Variants in PLD5 observed in about 807,000 individuals in gnomAD.
PLD5 encodes the protein inactive phospholipase D5.
A neutral mutation model predicts 61.1 loss-of-function variants in PLD5; 36 were observed. The observed-to-expected ratio is 0.59, with a 90% CI of 0.45 to 0.78. The LOEUF (loss-of-function observed/expected upper bound fraction) is 0.78, where lower values mean the gene tolerates loss of function less well. Among genes scored for constraint, PLD5 ranks in the 30% least tolerant of loss-of-function variants. PLD5 has a pLI of 0.00. For synonymous variants in PLD5, 243 were observed against 242.8 expected (o/e 1.00, Z -0.01); for missense variants, 515 against 644.4 (o/e 0.80, Z 2.17).
chr1:242,132,090 T>G (rs1663307067), intron 5 of PLD5, among the ~76,000 whole-genome samples: 1 of 150,836 alleles, frequency 6.6e-6, no homozygotes, highest in Admixed American at 6.7e-5. Context: ...CTCAGCCTCC[T>G]AAAGTGCTGT....
intron 2 of PLD5, among the ~76,000 whole-genome samples, chr1:242,318,104 C>T (rs1658134644): frequency 6.6e-6 from 1 of 152,180 alleles, no homozygotes; most frequent in East Asian, 1.9e-4. Flanking sequence ...AGTGGCTCGC[C>T]TAAGAAGACA....
intron 5 of PLD5, among the ~76,000 whole-genome samples, chr1:242,127,334 G>A (rs746971721): frequency 6.6e-6 from 1 of 152,030 alleles, no homozygotes; most frequent in Non-Finnish European, 1.5e-5. Context: ...ATCATTATAC[G>A]AAAAAATACT....
chr1:242,528,700 A>G (rs13376456), upstream of PLD5, among the ~76,000 whole-genome samples: 4,883 of 152,312 alleles, frequency 0.032, 93 homozygotes, highest in African/African-American at 0.048. Context: ...ATCTTTCGAA[A>G]GGAGGAAACC....
At chr1:242,510,699 G>T (rs1435966887) in intron 1 of PLD5, among the ~76,000 whole-genome samples, 1 of 152,052 alleles carries the variant, frequency 6.6e-6, no homozygotes, top group Non-Finnish European at 1.5e-5. Context: ...CAAGAAAATA[G>T]CTGGGCGGGG....
intron 1 of PLD5, among the ~76,000 whole-genome samples, chr1:242,444,546 T>G (rs1666419476): frequency 6.6e-6 from 1 of 150,528 alleles, no homozygotes; most frequent in East Asian, 1.9e-4. Context: ...GGAATATAGG[T>G]GCATGTAACC....
At chr1:242,441,581 G>C (rs1666276833) in intron 1 of PLD5, among the ~76,000 whole-genome samples, 1 of 152,020 alleles carries the variant, frequency 6.6e-6, no homozygotes, top group South Asian at 2.1e-4. Flanking sequence ...CTTCCCTTAA[G>C]ATGAAATAAG....
intron 2 of PLD5, among the ~76,000 whole-genome samples, chr1:242,342,201 A>G (rs1659873938): frequency 6.6e-6 from 1 of 152,234 alleles, no homozygotes; most frequent in African/African-American, 2.4e-5. Context: ...AATAGCAACA[A>G]AAGTCCCTCT....
At chr1:242,288,034 A>G (rs150862295) in intron 3 of PLD5, among the ~76,000 whole-genome samples, 142 of 152,338 alleles carry the variant, frequency 9.3e-4, no homozygotes, top group Middle Eastern at 3.4e-3. Flanking sequence ...TAGTTGGGCG[A>G]AGCAGAATTC....
rs565066393 is a variant in PLD5 at position 242,161,751 on chromosome 1, G to A, written c.736-37086C>T. On this transcript the variant is annotated intron_variant, in intron 5 of 9. Coordinates refer to ENST00000536534, the MANE Select transcript of PLD5 (RefSeq NM_001372062.1). ...AAGATCTCGTCCAGAAGTAATATAC[G>A]TCAAGAAAGAAGAGATTATAAATGT... Among the ~76,000 whole-genome samples the A allele has an allele frequency of 6.2e-5, 9 of 144,176 alleles. No individual in the cohort carries two copies. The South Asian group carries it at 6.7e-4, about 11-fold the overall frequency. 94.6% of individuals were successfully genotyped at this position (144,176 alleles called of 152,430 possible).
chr1:242,225,241 T>G (rs1670857385), intron 4 of PLD5, among the ~76,000 whole-genome samples: 1 of 151,726 alleles, frequency 6.6e-6, no homozygotes, highest in Non-Finnish European at 1.5e-5. Context: ...AACAGTGGTT[T>G]GTTTCCCTTT....
chr1:242,140,832 G>A (rs1019957974), intron 5 of PLD5, among the ~76,000 whole-genome samples: 2 of 151,996 alleles, frequency 1.3e-5, no homozygotes, highest in African/African-American at 2.4e-5. Context: ...GCATAGACCT[G>A]ATCACTGGGG....
chr1:242,263,490 A>G (rs1263970848), intron 4 of PLD5, among the ~76,000 whole-genome samples: 1 of 150,798 alleles, frequency 6.6e-6, no homozygotes, highest in Non-Finnish European at 1.5e-5. Context: ...GAGAAATACA[A>G]TAACTGTATT....
chr1:242,425,879 G>A (rs1396538119), intron 1 of PLD5, among the ~76,000 whole-genome samples: 1 of 151,920 alleles, frequency 6.6e-6, no homozygotes, highest in East Asian at 1.9e-4. Flanking sequence ...TCCTGACCTT[G>A]TGATCGGCCC....
At chr1:242,439,510 G>A (rs1220198727) in intron 1 of PLD5, among the ~76,000 whole-genome samples, 3 of 152,144 alleles carry the variant, frequency 2.0e-5, no homozygotes, top group Non-Finnish European at 4.4e-5. Flanking sequence ...ATGTGTCCAG[G>A]AAAAAGAGAA....
intron 5 of PLD5, among the ~76,000 whole-genome samples, chr1:242,129,975 A>C (rs1663103640): frequency 6.6e-6 from 1 of 151,640 alleles, no homozygotes; most frequent in Non-Finnish European, 1.5e-5. Flanking sequence ...ACATGATTTC[A>C]TTCTTTTTTG....
intron 2 of PLD5, among the ~76,000 whole-genome samples, chr1:242,303,010 G>A (rs539090164): frequency 1.3e-5 from 2 of 152,212 alleles, no homozygotes; most frequent in East Asian, 1.9e-4. Context: ...GTAGGGGACC[G>A]AATATCAGAA....
intron 3 of PLD5, among the ~76,000 whole-genome samples, chr1:242,266,640 T>A (rs1673692006): frequency 6.6e-6 from 1 of 152,252 alleles, no homozygotes; most frequent in African/African-American, 2.4e-5. Flanking sequence ...CAAACTCAAA[T>A]GCCTTCAGGA....
chr1:242,197,526 C>T (rs962025101), intron 5 of PLD5, among the ~76,000 whole-genome samples: 4 of 152,182 alleles, frequency 2.6e-5, no homozygotes, highest in East Asian at 1.9e-4. Flanking sequence ...ACCTTTCTCC[C>T]CTTTCTCCAA....
chr1:242,121,658 G>A (rs977116395), intron 6 of PLD5, among the ~76,000 whole-genome samples: 30 of 152,004 alleles, frequency 2.0e-4, no homozygotes, highest in African/African-American at 4.6e-4. Context: ...TTATTGCGGC[G>A]CTATTCACAA....
Sources: allele counts gnomAD v4.1 joint callset (sites outside exome capture counted in the v4.1 genomes callset), GRCh38; gene constraint gnomAD v4.1.1; transcripts MANE v1.5; gene names NCBI Gene and HGNC (gene_info 2026-07-23, HGNC 2026-07-21).